TACC2: variants seen among roughly 807,000 people sequenced by gnomAD.
The protein encoded by TACC2 is transforming acidic coiled-coil containing protein 2.
A neutral mutation model predicts 227.3 loss-of-function variants in TACC2; 137 were observed. That is an observed-to-expected ratio of 0.60 (90% confidence interval 0.52 to 0.69). TACC2 has a LOEUF of 0.69. Among genes scored for constraint, TACC2 ranks in the 30% least tolerant of loss-of-function variants. The pLI is 0.00. For missense variants in TACC2, 3,470 were observed against 3,694.4 expected (o/e 0.94, Z 1.57); for synonymous variants, 1,523 against 1,487.5 (o/e 1.02, Z -0.55).
rs1172330678 is a variant in TACC2, at chr10:122,083,680, G to T, written c.1180G>T (p.Gly394Cys). 16 of 1,612,298 alleles carry T rather than the reference G, an allele frequency of 9.9e-6. No homozygotes were observed. The African/African-American group carries it at 2.0e-4, about 20-fold the overall frequency. ...CAATCAAGTTGTCTGTGTGGCAGCA[G>T]GCGGCCAGCCCGAAGGGGGTTTGCC... ...KPNQVVCVAAGGQPEGGLPVS... is the reference protein window; with the variant it reads ...KPNQVVCVAACGQPEGGLPVS... Residue 394 changes from glycine (G) to cysteine (C), a missense_variant, in exon 4 of 23, where the codon GGC (glycine) becomes TGC (cysteine). By Grantham distance (159) the Gly-to-Cys change is radical. Coordinates refer to ENST00000369005, the MANE Select transcript of TACC2 (RefSeq NM_206862.4).
intron 11 of TACC2, among the ~76,000 whole-genome samples, chr10:122,222,444 TG>T (rs2095540017): frequency 6.6e-6 from 1 of 152,180 alleles, no homozygotes; most frequent in Non-Finnish European, 1.5e-5. Flanking sequence ...GCCACTCATC[TG>T]GGATTGATGG....
intron 8 of TACC2, among the ~76,000 whole-genome samples, chr10:122,197,830 A>G (rs2094625644): frequency 6.6e-6 from 1 of 152,224 alleles, no homozygotes; most frequent in Admixed American, 6.5e-5. Context: ...CCCTGGTTAG[A>G]AAACCGCCTC....
At chr10:122,249,339 G>C (rs910376445) in intron 21 of TACC2, among the ~76,000 whole-genome samples, 183 bp downstream of exon 21, 1 of 152,212 alleles carries the variant, frequency 6.6e-6, no homozygotes, top group African/African-American at 2.4e-5. Context: ...TGGAGGATGC[G>C]TGTTGCAATG....
intron 8 of TACC2, among the ~76,000 whole-genome samples, chr10:122,202,013 C>CTTTTTTTTTTTTTTTTTTTTTTTTTTTAT (rs767544440): frequency 9.8e-6 from 1 of 102,370 alleles, no homozygotes; most frequent in African/African-American, 3.5e-5. Context: ...TCTTCTTTAG[C>CTTTTTTTTTTTTTTTTTTTTTTTTTTTAT]TTTTTTTTTT....
chr10:122,070,121 T>C (rs1323415331), intron 3 of TACC2, among the ~76,000 whole-genome samples: 2 of 152,108 alleles, frequency 1.3e-5, no homozygotes, highest in Non-Finnish European at 2.9e-5. Context: ...AAACCCTTCA[T>C]CACATTTTTG....
At chr10:122,008,280 A>G (rs1955494244) in intron 1 of TACC2, among the ~76,000 whole-genome samples, 1 of 30,318 alleles carries the variant, frequency 3.3e-5, no homozygotes, top group South Asian at 2.0e-3. Flanking sequence ...TTTTTTTGAG[A>G]CAGAATTTTG....
intron 6 of TACC2, among the ~76,000 whole-genome samples, chr10:122,140,792 A>G (rs1208055973): frequency 6.6e-6 from 1 of 152,156 alleles, no homozygotes; most frequent in Non-Finnish European, 1.5e-5. Flanking sequence ...GGCTGCCCCT[A>G]CCTGCTTACT....
chr10:122,208,165 G>T (rs556933238), intron 8 of TACC2, among the ~76,000 whole-genome samples: 1 of 152,200 alleles, frequency 6.6e-6, no homozygotes, highest in African/African-American at 2.4e-5. Flanking sequence ...TATTTAGGGC[G>T]TCTGCTCCAG....
intron 8 of TACC2, among the ~76,000 whole-genome samples, chr10:122,200,543 A>G (rs1388322360): frequency 6.8e-6 from 1 of 146,610 alleles, no homozygotes; most frequent in Non-Finnish European, 1.5e-5. Flanking sequence ...CAGTTACCTC[A>G]CCTGCCCACA....
At chr10:122,154,516 G>A (rs1021182407) in intron 7 of TACC2, among the ~76,000 whole-genome samples, 1 of 152,230 alleles carries the variant, frequency 6.6e-6, no homozygotes, top group Non-Finnish European at 1.5e-5. Context: ...TGTCATGCCT[G>A]TGTCCAGCTC....
chr10:122,190,773 C>T lies in TACC2; in HGVS notation c.5835-4267C>T, dbSNP rs77882460. On this transcript the variant is annotated intron_variant, in intron 7 of 22. Transcript: ENST00000369005. ...GATGTGCAGCGGGGGGAGAAACCAA[C>T]GGGCATCCGGCTACCTCATGTCTCC... Among the ~76,000 whole-genome samples, 903 of 152,190 alleles carry T rather than the reference C, an allele frequency of 5.9e-3. 7 individuals are homozygous for T. The highest frequency in any genetic ancestry group is 0.02 in the African/African-American group (812 of 41,514).
chr10:122,149,351 GCTT>G (rs1275665315), intron 7 of TACC2, among the ~76,000 whole-genome samples: 2 of 152,240 alleles, frequency 1.3e-5, no homozygotes, highest in Admixed American at 1.3e-4. Flanking sequence ...AAGCAGCTGA[GCTT>G]CTTGCAGGGA....
chr10:122,143,245 T>C (rs1206668178), intron 6 of TACC2, among the ~76,000 whole-genome samples: 1 of 152,076 alleles, frequency 6.6e-6, no homozygotes, highest in Non-Finnish European at 1.5e-5. Context: ...ATAAAAAAAA[T>C]CCTCTCCTCT....
chr10:122,079,804 G>A (rs1306928630), intron 3 of TACC2, among the ~76,000 whole-genome samples: 1 of 152,250 alleles, frequency 6.6e-6, no homozygotes, highest in Non-Finnish European at 1.5e-5. Flanking sequence ...GTTCTCATCT[G>A]CAAATGGCAT....
rs1014770391 is a variant in TACC2, at chr10:122,210,201, G to A, written c.5972-196G>A. 2.1e-5 allele frequency: 13 copies of A among 614,250 alleles called. No individual in the cohort carries two copies. The highest frequency in any genetic ancestry group is 7.4e-5 in the African/African-American group (4 of 53,894). 38.0% of individuals were successfully genotyped at this position (614,250 alleles called of 1,614,324 possible). A position where few individuals can be genotyped will look rare whatever the true frequency, so the allele number is the denominator to read the frequency against. Reference sequence around the variant, plus strand: ...TTGTACAGATGAGGGAACTCTGGGCGAACCTGGCCTGGGTCTTGAGCTAAT... The same window carrying A: ...TTGTACAGATGAGGGAACTCTGGGCAAACCTGGCCTGGGTCTTGAGCTAAT... On this transcript the variant is annotated intron_variant, in intron 8 of 22. Coordinates refer to ENST00000369005, the MANE Select transcript of TACC2 (RefSeq NM_206862.4). This position sits in a 1 kb window ranked among gnomAD's most constrained non-coding sequence, Gnocchi z 4.6.
chr10:122,105,968 G>T (rs1010614940), intron 5 of TACC2, among the ~76,000 whole-genome samples: 1 of 129,486 alleles, frequency 7.7e-6, no homozygotes, highest in Non-Finnish European at 1.7e-5. Flanking sequence ...GTGTGTGTGT[G>T]TGTATGTATA....
At chr10:122,107,985 G>T (rs1377261598) in intron 5 of TACC2, among the ~76,000 whole-genome samples, 1 of 144,644 alleles carries the variant, frequency 6.9e-6, no homozygotes, top group Admixed American at 7.3e-5. Flanking sequence ...TCCGCCTCCT[G>T]GGTTCACGCC....
intron 8 of TACC2, among the ~76,000 whole-genome samples, chr10:122,207,569 A>G (rs2095163435): frequency 6.6e-6 from 1 of 152,222 alleles, no homozygotes; most frequent in African/African-American, 2.4e-5. Context: ...CCTACAGGGC[A>G]CAGGACAGCC....
intron 7 of TACC2, among the ~76,000 whole-genome samples, chr10:122,166,910 A>G (rs1033746578): frequency 1.3e-5 from 2 of 152,230 alleles, no homozygotes; most frequent in African/African-American, 4.8e-5. Flanking sequence ...GAGACACAGG[A>G]ATGGACAGGA....
Sources: allele counts gnomAD v4.1 joint callset (sites outside exome capture counted in the v4.1 genomes callset), GRCh38; gene constraint gnomAD v4.1.1; non-coding constraint Gnocchi (gnomAD v3.1); transcripts MANE v1.5; gene names NCBI Gene and HGNC (gene_info 2026-07-23, HGNC 2026-07-21).